VTI1A: variants seen among roughly 807,000 people sequenced by gnomAD.
VTI1A encodes vesicle transport through interaction with t-SNAREs homolog 1A.
VTI1A carries 22 observed loss-of-function variants against 34.9 expected under a neutral mutation model. The ratio of observed to expected loss-of-function variants is 0.63; its 90% CI spans 0.45 to 0.90. The LOEUF (loss-of-function observed/expected upper bound fraction) is 0.90. Ranked by LOEUF, VTI1A falls within the 40% of genes least tolerant of loss-of-function variation. The pLI is 0.00. For missense variants in VTI1A, 268 were observed against 275.6 expected (o/e 0.97, Z 0.20); for synonymous variants, 87 against 97.3 (o/e 0.89, Z 0.62).
At chr10:112,670,933 G>A (rs1188783530) in intron 7 of VTI1A, among the ~76,000 whole-genome samples, 1 of 152,188 alleles carries the variant, frequency 6.6e-6, no homozygotes, top group East Asian at 1.9e-4. Context: ...TGGGATCTTG[G>A]TATCAGCCAG....
intron 3 of VTI1A, among the ~76,000 whole-genome samples, chr10:112,520,641 GTGTGTGTATATATA>G (rs1849985567): frequency 9.0e-6 from 1 of 111,422 alleles, no homozygotes; most frequent in South Asian, 4.5e-4. Context: ...GTGTGTGTGT[GTGTGTGTATATATA>G]TATATATATA....
rs1021053017 is a variant in VTI1A, at chr10:112,595,049, A to C, written c.427+56719A>C. Among the ~76,000 whole-genome samples, 815 of 147,218 alleles carry C rather than the reference A, an allele frequency of 5.5e-3. 10 individuals carry two copies. The highest frequency in any genetic ancestry group is 0.019 in the African/African-American group (761 of 39,170). ...GATCTTTGACAAACCTGAGAAAAAC[A>C]AGCAATGGGGAAAGGATTCCCTATT... On this transcript the variant is annotated intron_variant, in intron 5 of 7. Coordinates refer to ENST00000393077, the MANE Select transcript of VTI1A (RefSeq NM_145206.4).
At chr10:112,657,032 C>T (rs1178772500) in intron 5 of VTI1A, among the ~76,000 whole-genome samples, 1 of 152,148 alleles carries the variant, frequency 6.6e-6, no homozygotes, top group Non-Finnish European at 1.5e-5. Flanking sequence ...CCCGCCCACC[C>T]TTCGCTTTCC....
chr10:112,531,740 A>G (rs1198045232), intron 4 of VTI1A, among the ~76,000 whole-genome samples: 1 of 152,204 alleles, frequency 6.6e-6, no homozygotes, highest in African/African-American at 2.4e-5. Context: ...AGTCAACCAA[A>G]GAATAGTGCC....
intron 7 of VTI1A, among the ~76,000 whole-genome samples, chr10:112,676,392 G>C (rs1431495233): frequency 6.6e-6 from 1 of 152,002 alleles, no homozygotes; most frequent in South Asian, 2.1e-4. Context: ...GTTTAGGGAG[G>C]GGGGGCTCCT....
the VTI1A span, among the ~76,000 whole-genome samples, chr10:112,832,825 G>A: frequency 1.3e-5 from 2 of 152,216 alleles, no homozygotes; most frequent in African/African-American, 4.8e-5. Context: ...GCCAAGCTCT[G>A]TAACTCAGCT....
intron 5 of VTI1A, among the ~76,000 whole-genome samples, chr10:112,648,076 GT>G (rs1222627447): frequency 6.6e-6 from 1 of 152,152 alleles, no homozygotes. Flanking sequence ...AGCCTGCATT[GT>G]TTTTAAAGAG....
chr10:112,546,031 C>T (rs937078343), intron 5 of VTI1A, among the ~76,000 whole-genome samples: 3 of 145,322 alleles, frequency 2.1e-5, no homozygotes, highest in Admixed American at 6.7e-5. Flanking sequence ...CGTGTATACG[C>T]GTATGTGTGT....
In VTI1A at chr10:112,538,266, C is replaced by G. The variant is rs758630543; in HGVS notation, c.363C>G (p.Asn121Lys). 2 of 1,612,628 alleles carry G rather than the reference C, an allele frequency of 1.2e-6. No homozygotes were observed. The highest frequency in any genetic ancestry group is 1.7e-6 in the Non-Finnish European group (2 of 1,179,548). ...SENQRAHLLD[N>K]TERLERSSRR... ...TTCAGAGGGCACATCTGCTCGATAA[C>G]ACAGAGAGGCTGGAAAGGTCATCTC... Residue 121 changes from asparagine to lysine, a missense_variant, in exon 5 of 8, where the codon AAC (asparagine) becomes AAG (lysine). Physicochemically the swap from Asn to Lys is moderately conservative, Grantham distance 94. Coordinates refer to ENST00000393077, the MANE Select transcript of VTI1A (RefSeq NM_145206.4).
At chr10:112,738,363 C>T (rs1340346958) in intron 7 of VTI1A, among the ~76,000 whole-genome samples, 1 of 152,148 alleles carries the variant, frequency 6.6e-6, no homozygotes, top group Non-Finnish European at 1.5e-5. Context: ...TCACTCTCCT[C>T]TATAACGCAT....
intron 5 of VTI1A, chr10:112,548,520 A>T: frequency 1.7e-6 from 1 of 604,144 alleles, no homozygotes; most frequent in Non-Finnish European, 2.9e-6. Flanking sequence ...TTTTACTACT[A>T]AACTTAAATG....
intron 7 of VTI1A, among the ~76,000 whole-genome samples, chr10:112,756,086 A>G (rs1346164764): frequency 3.3e-5 from 5 of 152,130 alleles, no homozygotes; most frequent in Non-Finnish European, 5.9e-5. Flanking sequence ...AGGGGAGGAG[A>G]GGGAGAAAGA....
At chr10:112,683,916 G>A (rs1205745599) in intron 7 of VTI1A, among the ~76,000 whole-genome samples, 1 of 152,120 alleles carries the variant, frequency 6.6e-6, no homozygotes, top group Admixed American at 6.5e-5. Flanking sequence ...ATTGCTGGGT[G>A]CCTGTAATCG....
At chr10:112,711,968 G>C (rs1405752040) in intron 7 of VTI1A, among the ~76,000 whole-genome samples, 1 of 152,162 alleles carries the variant, frequency 6.6e-6, no homozygotes, top group Non-Finnish European at 1.5e-5. Flanking sequence ...CATAGTCTCA[G>C]GGAAGTAGAA....
chr10:112,625,133 C>T (rs368815581), intron 5 of VTI1A, among the ~76,000 whole-genome samples: 94 of 152,244 alleles, frequency 6.2e-4, no homozygotes, highest in South Asian at 1.7e-3. Flanking sequence ...ATAAAGTAAG[C>T]GCTGAATACA....
At chr10:112,749,888 G>C (rs1004113510) in intron 7 of VTI1A, among the ~76,000 whole-genome samples, 3 of 152,152 alleles carry the variant, frequency 2.0e-5, no homozygotes, top group African/African-American at 7.2e-5. Context: ...CGATGCAGTA[G>C]CATACTATAT....
At chr10:112,774,399 G>T (rs1052790974) in intron 7 of VTI1A, among the ~76,000 whole-genome samples, 9 of 152,122 alleles carry the variant, frequency 5.9e-5, no homozygotes, top group Non-Finnish European at 1.3e-4. Flanking sequence ...CCATCCAGGG[G>T]CCACCCCAGG....
the VTI1A span, among the ~76,000 whole-genome samples, chr10:112,834,269 T>A: frequency 1.3e-5 from 2 of 152,122 alleles, no homozygotes; most frequent in Non-Finnish European, 2.9e-5. Context: ...ACATTACCCA[T>A]GGGAGCTTGT....
At chr10:112,545,907 G>C (rs1851065203) in intron 5 of VTI1A, among the ~76,000 whole-genome samples, 1 of 151,702 alleles carries the variant, frequency 6.6e-6, no homozygotes, top group Non-Finnish European at 1.5e-5. Context: ...AATTTGACCA[G>C]GGTGTGTGTG....
Sources: gnomAD v4.1 joint callset for allele counts (sites outside exome capture counted in the v4.1 genomes callset) on GRCh38, gnomAD v4.1.1 for gene constraint, MANE v1.5 for transcripts, NCBI Gene and HGNC (gene_info 2026-07-23, HGNC 2026-07-21) for gene names.